Variants in RFX7 observed in about 807,000 individuals in gnomAD.
RFX7 encodes the protein DNA-binding protein RFX7.
RFX7 carries 26 observed loss-of-function variants against 111.8 expected under a neutral mutation model. The ratio of observed to expected loss-of-function variants is 0.23; its 90% CI spans 0.17 to 0.32. RFX7 has a LOEUF of 0.32. Ranked by LOEUF, RFX7 falls within the 10% of genes least tolerant of loss-of-function variation. RFX7 has a pLI of 1.00. For synonymous variants in RFX7, 624 were observed against 624.4 expected (o/e 1.00, Z 0.01); for missense variants, 1,573 against 1,772.9 (o/e 0.89, Z 2.02).
At chr15:56,157,425 G>A (rs2042666525) in intron 3 of RFX7, among the ~76,000 whole-genome samples, 2 of 152,096 alleles carry the variant, frequency 1.3e-5, no homozygotes, top group Non-Finnish European at 2.9e-5. Flanking sequence ...AATTGTCCCA[G>A]TATCACTTAC....
In RFX7 at chr15:56,215,495, T is replaced by C. The variant is rs114524624; in HGVS notation, c.161+27630A>G. 4.0e-3 allele frequency among the ~76,000 whole-genome samples: 616 copies of C among 152,348 alleles called. 6 individuals carry two copies. Among genetic ancestry groups the C allele is most frequent in the African/African-American group, 0.014 (594 of 41,576 alleles). ...TCATCTGTTAATGTGGTAAATTATA[T>C]GAACAGATTTTCTAATGAACCGACT... On this transcript the variant is annotated intron_variant, in intron 2 of 9. Transcript: ENST00000559447.
intron 5 of RFX7, among the ~76,000 whole-genome samples, chr15:56,135,933 C>T (rs866105614): frequency 1.1e-4 from 16 of 152,174 alleles, no homozygotes; most frequent in Middle Eastern, 3.4e-3. Context: ...TGTAGATATG[C>T]GGCATTATTT....
intron 4 of RFX7, among the ~76,000 whole-genome samples, chr15:56,143,379 A>G (rs1338779670): frequency 6.6e-6 from 1 of 151,956 alleles, no homozygotes; most frequent in Non-Finnish European, 1.5e-5. Flanking sequence ...ACACACATAT[A>G]TATGTATATA....
chr15:56,150,880 G>C (rs1474020471), intron 3 of RFX7, among the ~76,000 whole-genome samples: 1 of 152,136 alleles, frequency 6.6e-6, no homozygotes, highest in Non-Finnish European at 1.5e-5. Flanking sequence ...TAAATGACCT[G>C]ATGGAGCTGA....
At chr15:56,194,197 C>T (rs1488707601) in intron 2 of RFX7, among the ~76,000 whole-genome samples, 1 of 152,112 alleles carries the variant, frequency 6.6e-6, no homozygotes, top group East Asian at 1.9e-4. Context: ...CCAAGTTTAG[C>T]CTCTATCCAA....
At chr15:56,114,576 G>C (rs2041983287) in intron 5 of RFX7, among the ~76,000 whole-genome samples, 1 of 151,986 alleles carries the variant, frequency 6.6e-6, no homozygotes, top group South Asian at 2.1e-4. Flanking sequence ...CTTAGACTAG[G>C]ATCATACTAA....
intron 3 of RFX7, among the ~76,000 whole-genome samples, chr15:56,174,977 C>T (rs989183812): frequency 5.3e-5 from 8 of 151,818 alleles, no homozygotes; most frequent in African/African-American, 1.9e-4. Flanking sequence ...CCTAGCAGTA[C>T]AATAAGGTGA....
Position 56,102,175 on chromosome 15 carries a change from T to C in RFX7, c.597A>G (p.Gly199=). ...GAAAAGGCTGAATTCTTACCCCATCTCCAGTTTTGTGAAAGTCAAGGTTGG... is the reference window on the plus strand; with the variant it reads ...GAAAAGGCTGAATTCTTACCCCATCCCCAGTTTTGTGAAAGTCAAGGTTGG... ...TLPNLDFHKT[G]DGLEGAEPSG... The change falls in exon 7 of 10, where the codon GGA becomes GGG. Residue 199 remains glycine (G), a synonymous_variant. Coordinates refer to ENST00000559447, the MANE Select transcript of RFX7 (RefSeq NM_022841.7). The C allele has an allele frequency of 6.2e-7, 1 of 1,609,306 alleles. No homozygotes were observed. The highest frequency in any genetic ancestry group is 1.7e-5 in the Admixed American group (1 of 59,624).
At chr15:56,232,528 T>C (rs58033458) in intron 2 of RFX7, among the ~76,000 whole-genome samples, 5,552 of 152,300 alleles carry the variant, frequency 0.036, 368 homozygotes, top group African/African-American at 0.13. Flanking sequence ...TGATTAACAC[T>C]TGTTTCCTCG....
chr15:56,195,565 T>C (rs1192397933), intron 2 of RFX7, among the ~76,000 whole-genome samples: 4 of 152,170 alleles, frequency 2.6e-5, no homozygotes, highest in Non-Finnish European at 4.4e-5. Flanking sequence ...CCTGCTCTTA[T>C]GAATTTTAGA....
intron 2 of RFX7, among the ~76,000 whole-genome samples, chr15:56,227,983 C>T (rs1369472237): frequency 6.6e-6 from 1 of 152,100 alleles, no homozygotes; most frequent in Non-Finnish European, 1.5e-5. Flanking sequence ...ATACAAAATT[C>T]TAGGTTGGCG....
At chr15:56,097,255 G>A (rs1280153919) in intron 9 of RFX7, among the ~76,000 whole-genome samples, 1 of 152,160 alleles carries the variant, frequency 6.6e-6, no homozygotes, top group Non-Finnish European at 1.5e-5. Context: ...CATAACCTCA[G>A]TTGTGTGAGA....
intron 8 of RFX7, among the ~76,000 whole-genome samples, chr15:56,100,191 G>A (rs1410679533): frequency 6.6e-6 from 1 of 152,152 alleles, no homozygotes; most frequent in Non-Finnish European, 1.5e-5. Context: ...ACCTCCCCAA[G>A]TCTATAAATT....
intron 3 of RFX7, among the ~76,000 whole-genome samples, chr15:56,158,146 T>C (rs570824657): frequency 6.6e-6 from 1 of 152,158 alleles, no homozygotes. Context: ...GAAGCAGCTG[T>C]TACTTGAAAT....
At chr15:56,198,088 T>C (rs1487337081) in intron 2 of RFX7, among the ~76,000 whole-genome samples, 3 of 152,216 alleles carry the variant, frequency 2.0e-5, no homozygotes, top group Admixed American at 6.5e-5. Flanking sequence ...GGTGGCTATA[T>C]GTACCACAGG....
At chr15:56,235,053 G>C (rs2043607625) in intron 2 of RFX7, among the ~76,000 whole-genome samples, 1 of 152,148 alleles carries the variant, frequency 6.6e-6, no homozygotes, top group Admixed American at 6.5e-5. Context: ...TAAGGTAGCA[G>C]GTAATGGGAC....
chr15:56,221,719 G>A (rs78954435), intron 2 of RFX7, among the ~76,000 whole-genome samples: 10,166 of 151,910 alleles, frequency 0.067, 454 homozygotes, highest in Admixed American at 0.11. Flanking sequence ...TTGCTCTAGG[G>A]ATTACAATAT....
intron 5 of RFX7, among the ~76,000 whole-genome samples, chr15:56,137,214 G>A (rs1170216595): frequency 5.9e-5 from 9 of 151,966 alleles, no homozygotes; most frequent in Non-Finnish European, 8.8e-5. Flanking sequence ...TTGTACCTCT[G>A]GTAGAATTCG....
chr15:56,164,170 T>A (rs1298261334), intron 3 of RFX7, among the ~76,000 whole-genome samples: 3 of 152,240 alleles, frequency 2.0e-5, no homozygotes, highest in Non-Finnish European at 4.4e-5. Flanking sequence ...AGTTTTTCTG[T>A]GAACTTTCCT....
Sources: allele counts gnomAD v4.1 joint callset (sites outside exome capture counted in the v4.1 genomes callset), GRCh38; gene constraint gnomAD v4.1.1; transcripts MANE v1.5; gene names NCBI Gene and HGNC (gene_info 2026-07-23, HGNC 2026-07-21).